NKAIN3: variants seen among roughly 807,000 people sequenced by gnomAD.
NKAIN3 encodes the protein sodium/potassium-transporting ATPase subunit beta-1-interacting protein 3.
In NKAIN3, 25 loss-of-function variants were observed where a neutral mutation model predicts 30.2. The observed-to-expected ratio is 0.83, with a 90% CI of 0.60 to 1.16. The LOEUF is 1.16. NKAIN3 is among the 50% of genes most tolerant of loss of function. The pLI is 0.00. For missense variants in NKAIN3, 225 were observed against 254.1 expected (o/e 0.89, Z 0.78); for synonymous variants, 91 against 89.6 (o/e 1.02, Z -0.09).
intron 4 of NKAIN3, among the ~76,000 whole-genome samples, chr8:62,770,848 T>C (rs1816985747): frequency 6.7e-6 from 1 of 149,648 alleles, no homozygotes; most frequent in Non-Finnish European, 1.5e-5. Flanking sequence ...TAGAAAATTA[T>C]TTTAACACAA....
rs569969403 is a variant in NKAIN3, at chr8:62,981,727, T to G, written c.*16320T>G. 3.3e-4 allele frequency: 48 copies of G among 146,810 alleles called. 1 individual carries two copies. Among genetic ancestry groups the G allele is most frequent in the African/African-American group, 1.2e-3 (47 of 39,596 alleles). The allele number at this position is 146,810 out of a possible 1,614,324, so 9.1% of individuals were successfully genotyped here. A position where few individuals can be genotyped will look rare whatever the true frequency, so the allele number is the denominator to read the frequency against. ...AACTCTGCTGTGTGGCAACCTTATG[T>G]ATCCACAACAGAACTAAGGACCGAA... On this transcript the variant is annotated 3_prime_UTR_variant, in exon 7 of 7. Transcript: ENST00000623646.
At chr8:62,363,618 A>G (rs778732284) in intron 1 of NKAIN3, among the ~76,000 whole-genome samples, 1 of 152,160 alleles carries the variant, frequency 6.6e-6, no homozygotes, top group Non-Finnish European at 1.5e-5. Context: ...TCGATAAAAT[A>G]TATTATTCAA....
At chr8:62,315,555 A>G (rs2129588966) in intron 1 of NKAIN3, among the ~76,000 whole-genome samples, 1 of 152,198 alleles carries the variant, frequency 6.6e-6, no homozygotes, top group Middle Eastern at 3.4e-3. Context: ...CTAAAATGTA[A>G]ATGAGAGAAG....
chr8:62,918,932 T>C (rs1321407519), intron 5 of NKAIN3, among the ~76,000 whole-genome samples: 1 of 150,034 alleles, frequency 6.7e-6, no homozygotes, highest in African/African-American at 2.5e-5. Flanking sequence ...TATATGTATA[T>C]AAACCATATA....
intron 5 of NKAIN3, among the ~76,000 whole-genome samples, chr8:62,935,605 A>T (rs1309112952): frequency 6.6e-6 from 1 of 152,154 alleles, no homozygotes; most frequent in Non-Finnish European, 1.5e-5. Flanking sequence ...TTTTGTTAAC[A>T]ATAAAGTTCT....
intron 3 of NKAIN3, among the ~76,000 whole-genome samples, chr8:62,656,150 A>G (rs533725196): frequency 2.0e-5 from 3 of 152,178 alleles, no homozygotes; most frequent in East Asian, 1.9e-4. Context: ...ACCTTTCAGG[A>G]GCCGATTTTG....
chr8:62,954,473 C>A (rs769754828), intron 6 of NKAIN3, among the ~76,000 whole-genome samples: 18 of 152,142 alleles, frequency 1.2e-4, no homozygotes, highest in Non-Finnish European at 2.4e-4. Context: ...TTACTCTTCC[C>A]AGTACTCAAA....
At chr8:62,390,470 A>G (rs13250226) in intron 1 of NKAIN3, among the ~76,000 whole-genome samples, 63,900 of 151,992 alleles carry the variant, frequency 0.42, 15,697 homozygotes, top group Non-Finnish European at 0.54. Context: ...GATTGATTTC[A>G]TGTTTGGCTA....
At chr8:62,935,619 T>C (rs560498967) in intron 5 of NKAIN3, among the ~76,000 whole-genome samples, 2 of 152,208 alleles carry the variant, frequency 1.3e-5, no homozygotes, top group South Asian at 4.1e-4. Flanking sequence ...AAGTTCTTAA[T>C]AAATAGGCTA....
chr8:62,813,650 C>G (rs1040015603), intron 4 of NKAIN3, among the ~76,000 whole-genome samples: 1 of 151,704 alleles, frequency 6.6e-6, no homozygotes, highest in Non-Finnish European at 1.5e-5. Context: ...ACTCTTTGTT[C>G]CTTTCTTCCA....
chr8:62,631,896 G>A (rs1050182342), intron 3 of NKAIN3, among the ~76,000 whole-genome samples: 16 of 152,178 alleles, frequency 1.1e-4, no homozygotes, highest in African/African-American at 3.6e-4. Flanking sequence ...TCACTTAAGG[G>A]TGAGTACAGT....
intron 1 of NKAIN3, among the ~76,000 whole-genome samples, chr8:62,512,874 A>G (rs556356923): frequency 6.6e-6 from 1 of 152,242 alleles, no homozygotes; most frequent in East Asian, 1.9e-4. Context: ...TTTTCTCTGA[A>G]CAGATGGTGC....
At chr8:62,363,635 C>T (rs1294618568) in intron 1 of NKAIN3, among the ~76,000 whole-genome samples, 1 of 151,874 alleles carries the variant, frequency 6.6e-6, no homozygotes, top group Non-Finnish European at 1.5e-5. Flanking sequence ...TCAAAAATTA[C>T]AATACAAAAA....
At chr8:62,949,866 G>T (rs992496167) in intron 5 of NKAIN3, among the ~76,000 whole-genome samples, 5 of 152,088 alleles carry the variant, frequency 3.3e-5, no homozygotes, top group Non-Finnish European at 5.9e-5. Context: ...GCTCAATAGT[G>T]TTCTTGCTGT....
intron 1 of NKAIN3, among the ~76,000 whole-genome samples, chr8:62,513,321 A>G (rs1807870372): frequency 6.6e-6 from 1 of 151,638 alleles, no homozygotes; most frequent in Non-Finnish European, 1.5e-5. Flanking sequence ...TATCTCCGTC[A>G]GCAAAATAGA....
At chr8:62,505,791 A>G (rs1807614285) in intron 1 of NKAIN3, among the ~76,000 whole-genome samples, 1 of 152,128 alleles carries the variant, frequency 6.6e-6, no homozygotes, top group South Asian at 2.1e-4. Context: ...GCTACAACAA[A>G]TTACCACACA....
intron 5 of NKAIN3, among the ~76,000 whole-genome samples, chr8:62,932,216 A>T (rs1213927782): frequency 1.3e-5 from 2 of 152,254 alleles, no homozygotes; most frequent in African/African-American, 4.8e-5. Context: ...TTATTAATTG[A>T]TTCACTCATT....
intron 1 of NKAIN3, among the ~76,000 whole-genome samples, chr8:62,316,359 C>T (rs1015845943): frequency 3.3e-5 from 5 of 151,912 alleles, no homozygotes; most frequent in African/African-American, 1.2e-4. Context: ...ATACTTGTGC[C>T]ATGTTGGTGT....
chr8:62,804,351 A>G (rs1425909884), intron 4 of NKAIN3, among the ~76,000 whole-genome samples: 3 of 152,238 alleles, frequency 2.0e-5, no homozygotes, highest in African/African-American at 4.8e-5. Flanking sequence ...CAACCAAAAA[A>G]GAGAATTTTA....
Sources: gnomAD v4.1 joint callset for allele counts (sites outside exome capture counted in the v4.1 genomes callset) on GRCh38, gnomAD v4.1.1 for gene constraint, MANE v1.5 for transcripts, NCBI Gene and HGNC (gene_info 2026-07-23, HGNC 2026-07-21) for gene names.